The following TUBGCP2 variants were observed in gnomAD, a reference collection of about 807,000 sequenced individuals.
TUBGCP2 encodes gamma-tubulin complex component 2.
TUBGCP2 carries 55 observed loss-of-function variants against 92.2 expected under a neutral mutation model. The observed-to-expected ratio is 0.60, with a 90% CI of 0.48 to 0.75. TUBGCP2 has a LOEUF of 0.75. TUBGCP2 is among the 30% of genes least tolerant of loss of function. The pLI, the probability that TUBGCP2 is intolerant of heterozygous loss-of-function variation, is 0.00. For synonymous variants in TUBGCP2, 533 were observed against 505.2 expected, an observed-to-expected ratio of 1.06 and a Z score of -0.74; for missense variants, 1,093 against 1,188.9, an observed-to-expected ratio of 0.92 and a Z score of 1.19.
At chr10:133,282,369 G>T (rs375624606) in intron 15 of TUBGCP2, 27 bp from the exon 16 acceptor site, 17 of 1,565,390 alleles carry the variant, frequency 1.1e-5, no homozygotes, top group Admixed American at 1.9e-5. Context: ...GCAAGGAAAT[G>T]CTTCTGTTAG....
At chr10:133,299,127 T>A (rs915944021) in intron 4 of TUBGCP2, among the ~76,000 whole-genome samples, 5 of 152,112 alleles carry the variant, frequency 3.3e-5, no homozygotes, top group Non-Finnish European at 7.4e-5. Flanking sequence ...GAGTCAGGAT[T>A]GGGTAGGCTC....
upstream of TUBGCP2, chr10:133,309,807 T>A (rs1847946292): frequency 1.2e-6 from 2 of 1,613,334 alleles, no homozygotes; most frequent in Non-Finnish European, 1.7e-6. Flanking sequence ...GGTGGCCGGC[T>A]GCTGCCAGGT....
upstream of TUBGCP2, chr10:133,309,435 C>T (rs1434007620): frequency 3.7e-6 from 6 of 1,612,432 alleles, no homozygotes; most frequent in South Asian, 1.1e-5. Context: ...CGTGATCATG[C>T]AGGTGGCCGA....
At chr10:133,280,783 G>A (rs111715984) in intron 17 of TUBGCP2, among the ~76,000 whole-genome samples, 10,194 of 152,060 alleles carry the variant, frequency 0.067, 496 homozygotes, top group African/African-American at 0.14. Flanking sequence ...CTGGGGTGGC[G>A]CTGGGCTGGG....
upstream of TUBGCP2, chr10:133,309,271 T>G (rs1847926745): frequency 7.3e-7 from 1 of 1,374,422 alleles, no homozygotes; most frequent in African/African-American, 1.4e-5. Context: ...GGGCGGGGCC[T>G]GAGGCTGTGG....
At chr10:133,309,553 C>G, upstream of TUBGCP2, 1 of 1,441,718 alleles carries the variant, frequency 6.9e-7, no homozygotes, top group Non-Finnish European at 9.5e-7. Context: ...GCCGCTCTTC[C>G]ATGTGCGGCC....
intron 5 of TUBGCP2, among the ~76,000 whole-genome samples, chr10:133,294,815 C>T (rs981491277): frequency 7.4e-4 from 77 of 104,474 alleles, no homozygotes; most frequent in African/African-American, 2.8e-3. Flanking sequence ...GGGGTCTTGC[C>T]GTGTTGCCCA....
Position 133,288,934 on chromosome 10 carries a change from C to T in TUBGCP2, c.1447G>A (p.Ala483Thr). ...GCCTTCTCGATCTGCTCCACATACG[C>T]CCGCTCTTTTAACGTGTAGATGATC... ...KEIIYTLKER[A>T]YVEQIEKAFN... The change falls in exon 10 of 18, where the codon GCG becomes ACG. Residue 483 changes from alanine (A) to threonine (T), a missense_variant. Around this residue, in one of 3 missense-constraint regions of TUBGCP2, gnomAD observed 598 missense variants for 675.5 expected, o/e 0.89. Transcript: ENST00000252936. The T allele has an allele frequency of 6.2e-7, 1 of 1,614,246 alleles. No individual in the cohort carries two copies. Among genetic ancestry groups the T allele is most frequent in the Non-Finnish European group, 8.5e-7 (1 of 1,180,038 alleles).
rs1480346661 is a variant in TUBGCP2 at position 133,308,851 on chromosome 10, A to G, written c.-68T>C. The G allele has an allele frequency of 1.2e-5, 13 of 1,095,926 alleles. No homozygotes were observed. Among genetic ancestry groups the G allele is most frequent in the African/African-American group, 3.3e-5 (2 of 60,868 alleles). 67.9% of individuals were successfully genotyped at this position (1,095,926 alleles called of 1,614,324 possible). The stretch of plus-strand genomic sequence containing the variant: ...AGTCCCGGAGCCACAGCCCCCGCGC[A>G]GCCCCCGACGGCGGCGGAAGTGAGC... On this transcript the variant is annotated 5_prime_UTR_variant, in exon 1 of 18. Transcript: ENST00000252936.
At chr10:133,298,755 C>T (rs3008348) in intron 4 of TUBGCP2, among the ~76,000 whole-genome samples, 2 of 152,154 alleles carry the variant, frequency 1.3e-5, no homozygotes, top group African/African-American at 2.4e-5. Context: ...TCTTCTGCCA[C>T]GGCTGAGGGA....
At chr10:133,288,102 G>C (rs368297382) in intron 11 of TUBGCP2, 27 bp downstream of exon 11, 1 of 1,596,828 alleles carries the variant, frequency 6.3e-7, no homozygotes, top group Non-Finnish European at 8.6e-7. Context: ...TCTGCCACAG[G>C]GGACAGCCCC....
chr10:133,299,168 C>T (rs887497076), intron 4 of TUBGCP2, among the ~76,000 whole-genome samples: 7 of 152,162 alleles, frequency 4.6e-5, no homozygotes, highest in African/African-American at 1.4e-4. Context: ...CAGCACAACT[C>T]CCACGTGGGT....
At chr10:133,287,432 G>T (rs1322798773) in intron 11 of TUBGCP2, among the ~76,000 whole-genome samples, 1 of 152,062 alleles carries the variant, frequency 6.6e-6, no homozygotes, top group East Asian at 1.9e-4. Context: ...GTAAAAAACA[G>T]ATAAAACATA....
chr10:133,283,814 G>C (rs1366075644), intron 14 of TUBGCP2, 68 bp downstream of exon 14: 23 of 1,591,328 alleles, frequency 1.4e-5, no homozygotes, highest in Non-Finnish European at 2.0e-5. Flanking sequence ...TGCCTCTCCT[G>C]CACTTCCTGT....
At position 133,283,167 on chromosome 10, in the gene TUBGCP2, G is replaced by A. The variant is rs1847033103; in HGVS notation, c.2200C>T (p.Leu734=). 1 of 1,614,116 alleles carries A rather than the reference G, an allele frequency of 6.2e-7. No homozygotes were observed. The highest frequency in any genetic ancestry group is 1.1e-5 in the South Asian group (1 of 91,086). Residue 734 remains leucine, a synonymous_variant, in exon 15 of 18, where the codon CTG becomes TTG. Coordinates refer to ENST00000252936, the MANE Select transcript of TUBGCP2 (RefSeq NM_006659.4). Reference sequence around the variant, plus strand: ...GGGTTGGTGAGCATGCAGTCCTTCAGGCAGGTGTCCAGGAAGCCTGTGTGG... The same window carrying A: ...GGGTTGGTGAGCATGCAGTCCTTCAAGCAGGTGTCCAGGAAGCCTGTGTGG... ...GHHTGFLDTC[L]KDCMLTNPEL... is the part of the protein sequence containing the mutation.
intron 16 of TUBGCP2, 182 bp from the exon 17 acceptor site, chr10:133,281,618 C>G: frequency 1.2e-6 from 1 of 810,934 alleles, no homozygotes; most frequent in Non-Finnish European, 1.9e-6. Flanking sequence ...TTCCTGAGAA[C>G]CCAGCACTCA....
intron 2 of TUBGCP2, 138 bp from the exon 3 acceptor site, chr10:133,300,251 T>G (rs145663980): frequency 0.011 from 11,250 of 1,021,930 alleles, 151 homozygotes; most frequent in Admixed American, 0.044. Flanking sequence ...TGAAATAAAC[T>G]AACAAAACTC....
At chr10:133,300,615 G>C (rs2136135939) in intron 2 of TUBGCP2, 1 of 153,224 alleles carries the variant, frequency 6.5e-6, no homozygotes, top group East Asian at 1.9e-4. Context: ...TTCCCATTAT[G>C]GTTCCTTTCC....
chr10:133,297,915 C>T (rs1564771443), intron 5 of TUBGCP2, 37 bp downstream of exon 5: 3 of 1,606,204 alleles, frequency 1.9e-6, no homozygotes, highest in East Asian at 2.2e-5. Flanking sequence ...GCATCACGTA[C>T]CTATCGGCAG....
Sources: allele counts gnomAD v4.1 joint callset (sites outside exome capture counted in the v4.1 genomes callset), GRCh38; gene constraint gnomAD v4.1.1; regional missense constraint gnomAD v4.1.1; transcripts MANE v1.5; gene names NCBI Gene and HGNC (gene_info 2026-07-23, HGNC 2026-07-21).